The following AIDA variants were observed in gnomAD, a reference collection of about 807,000 sequenced individuals.
The protein encoded by AIDA is axin interactor, dorsalization-associated protein.
AIDA carries 18 observed loss-of-function variants against 42.7 expected under a neutral mutation model. The observed-to-expected ratio is 0.42, with a 90% CI of 0.29 to 0.63. The LOEUF is 0.63. AIDA is among the 20% of genes least tolerant of loss of function. The probability of loss-of-function intolerance (pLI) is 0.19; values close to 1 mark genes in which losing one functional copy is unlikely to be tolerated. For missense variants in AIDA, 250 were observed against 354.1 expected, an observed-to-expected ratio of 0.71 and a Z score of 2.36; for synonymous variants, 104 against 122.9, an observed-to-expected ratio of 0.85 and a Z score of 1.02.
chr1:222,684,247 G>C (rs1036511389), intron 6 of AIDA, among the ~76,000 whole-genome samples: 1 of 152,036 alleles, frequency 6.6e-6, no homozygotes, highest in African/African-American at 2.4e-5. Context: ...AAGTAGCTGA[G>C]ATTACAGGTG....
intron 1 of AIDA, among the ~76,000 whole-genome samples, chr1:222,706,996 A>C (rs1173600270): frequency 6.6e-6 from 1 of 152,182 alleles, no homozygotes. Context: ...GAGTGACTGC[A>C]AATGAACACT....
chr1:222,703,267 C>G, intron 1 of AIDA, 50 bp from the exon 2 acceptor site: 2 of 1,360,188 alleles, frequency 1.5e-6, no homozygotes. Flanking sequence ...CAAACTACTG[C>G]AACAAAGTGT....
In AIDA at chr1:222,687,602, G is replaced by T; in HGVS notation, c.346C>A (p.Pro116Thr). ...TATAAATGTTTCTTTTACCTTAATG[G>T]GACAGGCTGAACATCAAATGGGAAT... ...KEFPFDVQPV[P>T]LRRILAPGEE... Residue 116 changes from proline (P) to threonine (T), a missense_variant, in exon 5 of 10, where the codon CCA becomes ACA. Physicochemically the swap from Pro to Thr is conservative, Grantham distance 38. Transcript: ENST00000340020. 6.7e-7 allele frequency: 1 copy of T among 1,493,232 alleles called. No homozygotes were observed. The highest frequency in any genetic ancestry group is 9.1e-7 in the Non-Finnish European group (1 of 1,098,172). The allele number at this position is 1,493,232 out of a possible 1,614,324, so 92.5% of individuals were successfully genotyped here. A position where few individuals can be genotyped will look rare whatever the true frequency, so the allele number is the denominator to read the frequency against.
At chr1:222,672,078 ATGTT>A (rs1202802922) in intron 8 of AIDA, among the ~76,000 whole-genome samples, 2 of 152,222 alleles carry the variant, frequency 1.3e-5, no homozygotes, top group Admixed American at 6.5e-5. Context: ...TTAAGTTAAA[ATGTT>A]TGTAAACATG....
intron 2 of AIDA, among the ~76,000 whole-genome samples, chr1:222,702,504 A>C (rs934567922): frequency 7.9e-5 from 12 of 152,154 alleles, no homozygotes; most frequent in African/African-American, 2.9e-4. Context: ...CATTTTTCAT[A>C]ATCACTAACA....
intron 8 of AIDA, 48 bp from the exon 9 acceptor site, chr1:222,670,298 G>C: frequency 1.4e-6 from 2 of 1,459,558 alleles, no homozygotes; most frequent in Non-Finnish European, 1.9e-6. Flanking sequence ...CACATTTCTT[G>C]TGTGTCAATT....
intron 6 of AIDA, among the ~76,000 whole-genome samples, chr1:222,678,200 G>GGTGTGT (rs71732365): frequency 2.3e-4 from 33 of 145,398 alleles, no homozygotes; most frequent in Admixed American, 6.9e-4. Flanking sequence ...TATATCTTGG[G>GGTGTGT]GTGTGTGTGT....
intron 4 of AIDA, 87 bp from the exon 5 acceptor site, chr1:222,687,745 T>A: frequency 1.0e-6 from 1 of 986,518 alleles, no homozygotes; most frequent in Admixed American, 2.9e-5. Flanking sequence ...TAATCAATTT[T>A]ATTGTGCATA....
At chr1:222,710,016 A>G (rs1190787841) in intron 1 of AIDA, among the ~76,000 whole-genome samples, 1 of 152,112 alleles carries the variant, frequency 6.6e-6, no homozygotes, top group African/African-American at 2.4e-5. Context: ...AGAAATCCCA[A>G]CGATCCTAGA....
chr1:222,683,312 A>G (rs1348963157), intron 6 of AIDA, among the ~76,000 whole-genome samples: 2 of 152,176 alleles, frequency 1.3e-5, no homozygotes, highest in Non-Finnish European at 2.9e-5. Context: ...AGCAATGAAC[A>G]TTTGCTGCAG....
intron 4 of AIDA, among the ~76,000 whole-genome samples, chr1:222,687,988 C>T (rs1571931379): frequency 6.6e-6 from 1 of 152,074 alleles, no homozygotes; most frequent in South Asian, 2.1e-4. Flanking sequence ...AAGAGAATGC[C>T]TCCTCCCTAT....
chr1:222,678,191 A>G (rs1263900723), intron 6 of AIDA, among the ~76,000 whole-genome samples: 2 of 118,322 alleles, frequency 1.7e-5, no homozygotes, highest in African/African-American at 3.5e-5. Flanking sequence ...AGCTATTTGT[A>G]TATCTTGGGG....
intron 1 of AIDA, among the ~76,000 whole-genome samples, chr1:222,709,119 A>C (rs965590987): frequency 6.6e-6 from 1 of 152,166 alleles, no homozygotes; most frequent in African/African-American, 2.4e-5. Flanking sequence ...TAAACAAAAC[A>C]AAACAAATAC....
intron 8 of AIDA, among the ~76,000 whole-genome samples, chr1:222,671,492 C>T (rs1022422873): frequency 6.6e-6 from 1 of 152,132 alleles, no homozygotes; most frequent in South Asian, 2.1e-4. Context: ...TTAATACTGC[C>T]GCTGATGACA....
intron 6 of AIDA, among the ~76,000 whole-genome samples, chr1:222,686,705 T>C (rs1017180370): frequency 2.0e-5 from 3 of 152,158 alleles, no homozygotes; most frequent in Admixed American, 6.6e-5. Context: ...TGAGTTGTCC[T>C]AGTGAATCAC....
chr1:222,686,159 T>TCAAAACAAAA (rs200676920), intron 6 of AIDA, among the ~76,000 whole-genome samples: 1 of 152,080 alleles, frequency 6.6e-6, no homozygotes. Flanking sequence ...AGACTCTGTC[T>TCAAAACAAAA]CAAAACAAAA....
intron 2 of AIDA, among the ~76,000 whole-genome samples, chr1:222,702,904 A>C (rs1348630939): frequency 1.1e-4 from 17 of 152,256 alleles, no homozygotes; most frequent in Admixed American, 1.1e-3. Flanking sequence ...CACTAAAGTT[A>C]AGCAAAGTTA....
rs1442144759 is a variant in AIDA at position 222,676,136 on chromosome 1, A to G, written c.543T>C (p.Ala181=). ...TAATATAGGGATCGATGCACTGCCC[A>G]GCATCTTTCAAACCAATTTTCTCAA... is the stretch of plus-strand genomic sequence containing the variant. ...IRIEKIGLKD[A]GQCIDPYITV... The change falls in exon 7 of 10, where the codon GCT becomes GCC. Residue 181 remains alanine (A), a synonymous_variant. Transcript: ENST00000340020. The G allele has an allele frequency of 4.3e-6, 7 of 1,612,674 alleles. No homozygotes were observed. The South Asian group carries it at 7.7e-5, about 18-fold the overall frequency.
intron 1 of AIDA, among the ~76,000 whole-genome samples, chr1:222,703,684 A>T (rs1024072949): frequency 2.0e-5 from 3 of 152,232 alleles, no homozygotes; most frequent in African/African-American, 7.2e-5. Context: ...GTAATAATCC[A>T]TCCTACTATC....
Sources: allele counts gnomAD v4.1 joint callset (sites outside exome capture counted in the v4.1 genomes callset), GRCh38; gene constraint gnomAD v4.1.1; transcripts MANE v1.5; gene names NCBI Gene and HGNC (gene_info 2026-07-23, HGNC 2026-07-21).